RAB5A: variants seen among roughly 807,000 people sequenced by gnomAD.
RAB5A encodes ras-related protein Rab-5A.
In RAB5A, 8 loss-of-function variants were observed where a neutral mutation model predicts 25.7. The observed-to-expected ratio is 0.31, with a 90% CI of 0.18 to 0.56. RAB5A has a LOEUF of 0.56. Among genes scored for constraint, RAB5A ranks in the 20% least tolerant of loss-of-function variants. The pLI is 0.91. For synonymous variants in RAB5A, 98 were observed against 89.8 expected (o/e 1.09, Z -0.52); for missense variants, 192 against 259.7 (o/e 0.74, Z 1.79).
chr3:19,962,139 T>C (rs1449306643), intron 2 of RAB5A, among the ~76,000 whole-genome samples: 1 of 152,188 alleles, frequency 6.6e-6, no homozygotes, highest in Non-Finnish European at 1.5e-5. Context: ...TTTTATGACT[T>C]TGCTCCAGAA....
intron 3 of RAB5A, 49 bp downstream of exon 3, chr3:19,975,801 T>C (rs745779244): frequency 1.3e-6 from 2 of 1,529,500 alleles, no homozygotes; most frequent in Non-Finnish European, 1.8e-6. Flanking sequence ...TACCCACTTT[T>C]GGTGTTCAGA....
intron 2 of RAB5A, among the ~76,000 whole-genome samples, chr3:19,954,628 G>T (rs112225202): frequency 1.3e-5 from 2 of 152,142 alleles, no homozygotes; most frequent in African/African-American, 4.8e-5. Context: ...GACCAGCCTG[G>T]CCAACATAGC....
intron 5 of RAB5A, among the ~76,000 whole-genome samples, chr3:19,981,119 T>G (rs1385504387): frequency 6.6e-6 from 1 of 152,160 alleles, no homozygotes; most frequent in Admixed American, 6.5e-5. Context: ...TTAGTCATCT[T>G]TAATATTCTG....
At chr3:19,982,775 AAAAG>A (rs1297772644) in intron 5 of RAB5A, among the ~76,000 whole-genome samples, 3 of 151,942 alleles carry the variant, frequency 2.0e-5, no homozygotes, top group Non-Finnish European at 4.4e-5. Flanking sequence ...AAAAAAAAAA[AAAAG>A]AGAGCATGTA....
intron 5 of RAB5A, chr3:19,980,281 C>A (rs1213718083): frequency 6.6e-6 from 1 of 152,134 alleles, no homozygotes; most frequent in East Asian, 1.9e-4. Flanking sequence ...TAGTTTGTAC[C>A]TTTTTATTCA....
At chr3:19,950,615 T>TAAAAAA (rs111502549) in intron 1 of RAB5A, among the ~76,000 whole-genome samples, 191 bp from the exon 2 acceptor site, 1 of 149,498 alleles carries the variant, frequency 6.7e-6, no homozygotes, top group African/African-American at 2.4e-5. Context: ...GGTTAGCCTT[T>TAAAAAA]AAAAAAAAAA....
intron 1 of RAB5A, among the ~76,000 whole-genome samples, chr3:19,949,482 A>G (rs1455175420): frequency 2.0e-5 from 3 of 152,166 alleles, no homozygotes; most frequent in Non-Finnish European, 4.4e-5. Flanking sequence ...ATTTACCGGT[A>G]TAAGCCACTC....
chr3:19,964,884 G>A (rs1423277590), intron 2 of RAB5A, among the ~76,000 whole-genome samples: 20 of 151,632 alleles, frequency 1.3e-4, no homozygotes, highest in Admixed American at 9.8e-4. Flanking sequence ...TTACACAGAC[G>A]GGAGCTACCA....
intron 5 of RAB5A, among the ~76,000 whole-genome samples, chr3:19,981,209 G>C (rs1481384444): frequency 1.3e-5 from 2 of 152,154 alleles, no homozygotes; most frequent in Non-Finnish European, 2.9e-5. Context: ...ACTTTACAGT[G>C]GTTTGACTTA....
At chr3:19,980,433 C>G (rs183468847) in intron 5 of RAB5A, among the ~76,000 whole-genome samples, 19 of 143,230 alleles carry the variant, frequency 1.3e-4, no homozygotes, top group Non-Finnish European at 4.5e-5. Context: ...ATTTCCTTCA[C>G]TAGGTTAGTA....
At chr3:19,982,773 A>AG (rs997762566) in intron 5 of RAB5A, among the ~76,000 whole-genome samples, 2 of 152,018 alleles carry the variant, frequency 1.3e-5, no homozygotes, top group African/African-American at 4.8e-5. Context: ...TAAAAAAAAA[A>AG]AAAAAGAGAG....
At chr3:19,966,958 G>A (rs1696670453) in intron 2 of RAB5A, among the ~76,000 whole-genome samples, 1 of 152,042 alleles carries the variant, frequency 6.6e-6, no homozygotes, top group Non-Finnish European at 1.5e-5. Context: ...CCCATGCCTG[G>A]CTATGTAAAT....
intron 2 of RAB5A, among the ~76,000 whole-genome samples, chr3:19,971,207 A>AG (rs1553639420): frequency 7.3e-6 from 1 of 137,072 alleles, no homozygotes; most frequent in Non-Finnish European, 1.7e-5. Flanking sequence ...CAAAAAAAAA[A>AG]AAAAAAAACA....
intron 5 of RAB5A, among the ~76,000 whole-genome samples, chr3:19,979,705 ATTTTT>A (rs147665665): frequency 6.7e-6 from 1 of 149,338 alleles, no homozygotes; most frequent in Non-Finnish European, 1.5e-5. Flanking sequence ...TTGGTTTTGG[ATTTTT>A]TTTTTAACCC....
intron 2 of RAB5A, among the ~76,000 whole-genome samples, chr3:19,971,220 A>G (rs957060463): frequency 1.3e-5 from 2 of 148,642 alleles, no homozygotes; most frequent in Admixed American, 6.7e-5. Context: ...AAAAAACACT[A>G]TAGTAGTATT....
At chr3:19,958,761 G>C (rs576020687) in intron 2 of RAB5A, among the ~76,000 whole-genome samples, 4 of 152,162 alleles carry the variant, frequency 2.6e-5, no homozygotes, top group African/African-American at 9.6e-5. Context: ...CTTCAACCTG[G>C]GAGGCAGAGG....
At chr3:19,969,045 G>GTTTTTTTTTTTTTTTTTT (rs386396075) in intron 2 of RAB5A, among the ~76,000 whole-genome samples, 7 of 103,420 alleles carry the variant, frequency 6.8e-5, no homozygotes, top group South Asian at 2.6e-4. Context: ...TTTTTTTTTG[G>GTTTTTTTTTTTTTTTTTT]TTTTTTTTTT....
chr3:19,983,706 AG>A lies in RAB5A; in HGVS notation c.533-1del. The stretch of plus-strand genomic sequence containing the variant: ...TCTATTTATTTGATCATTTTCTTTC[AG>A]CTAAAAAATTGCCAAAGAATGAACC... On this transcript the variant is annotated splice_acceptor_variant, in intron 5 of 5. Coordinates refer to ENST00000273047, the MANE Select transcript of RAB5A (RefSeq NM_004162.5). LOFTEE classifies it high-confidence loss of function. The A allele has an allele frequency of 6.4e-7, 1 of 1,572,302 alleles. No homozygotes were observed. The highest frequency in any genetic ancestry group is 8.7e-7 in the Non-Finnish European group (1 of 1,145,398).
intron 2 of RAB5A, chr3:19,951,263 C>T (rs1696418164): frequency 1.9e-6 from 1 of 520,930 alleles, no homozygotes; most frequent in Non-Finnish European, 3.3e-6. Flanking sequence ...TGGTTAATCC[C>T]TTGTGGTTAT....
Sources: gnomAD v4.1 joint callset for allele counts (sites outside exome capture counted in the v4.1 genomes callset) on GRCh38, gnomAD v4.1.1 for gene constraint, MANE v1.5 for transcripts, NCBI Gene and HGNC (gene_info 2026-07-23, HGNC 2026-07-21) for gene names.